Variants in ANO10 observed in about 807,000 individuals in gnomAD.
ANO10 encodes anoctamin-10.
A neutral mutation model predicts 74.7 loss-of-function variants in ANO10; 77 were observed. That is an observed-to-expected ratio of 1.03 (90% CI 0.86 to 1.25). ANO10 has a LOEUF of 1.25. Among genes scored for constraint, ANO10 ranks in the 50% most tolerant of loss-of-function variants. The pLI, the probability that ANO10 is intolerant of heterozygous loss-of-function variation, is 0.00. For missense variants in ANO10, 721 were observed against 778.1 expected (o/e 0.93, Z 0.87); for synonymous variants, 279 against 284.9 (o/e 0.98, Z 0.21).
At chr3:43,458,748 G>C (rs915012737) in intron 11 of ANO10, among the ~76,000 whole-genome samples, 1 of 152,096 alleles carries the variant, frequency 6.6e-6, no homozygotes, top group Non-Finnish European at 1.5e-5. Context: ...CTATCAACTC[G>C]TGATCTAGGT....
intron 11 of ANO10, among the ~76,000 whole-genome samples, chr3:43,443,871 C>G (rs1025165213): frequency 6.6e-6 from 1 of 151,514 alleles, no homozygotes; most frequent in Non-Finnish European, 1.5e-5. Flanking sequence ...TTAGTAGAGA[C>G]GGGTTTCACC....
At chr3:43,670,006 G>T (rs1442883545) in intron 1 of ANO10, among the ~76,000 whole-genome samples, 1 of 152,038 alleles carries the variant, frequency 6.6e-6, no homozygotes, top group Non-Finnish European at 1.5e-5. Context: ...TTACAGGCAT[G>T]AGCCACCGCG....
chr3:43,594,376 G>T (rs2081971295), intron 4 of ANO10, among the ~76,000 whole-genome samples: 1 of 152,154 alleles, frequency 6.6e-6, no homozygotes, highest in Non-Finnish European at 1.5e-5. Context: ...GTACTCCTCA[G>T]CAAATGAAAA....
intron 11 of ANO10, among the ~76,000 whole-genome samples, chr3:43,459,030 T>C (rs1436474557): frequency 6.6e-6 from 1 of 152,068 alleles, no homozygotes; most frequent in Admixed American, 6.6e-5. Context: ...GCCCCTTGAG[T>C]TATGTGTAAC....
At chr3:43,591,498 A>G (rs563523691) in intron 4 of ANO10, among the ~76,000 whole-genome samples, 81 of 152,264 alleles carry the variant, frequency 5.3e-4, no homozygotes, top group African/African-American at 1.9e-3. Context: ...AGAACAAAAG[A>G]CTTGCCCCCA....
At chr3:43,602,147 T>C (rs2082361576) in intron 2 of ANO10, among the ~76,000 whole-genome samples, 1 of 152,194 alleles carries the variant, frequency 6.6e-6, no homozygotes, top group Non-Finnish European at 1.5e-5. Context: ...ATTGACAAAG[T>C]CTGAAGGCTC....
chr3:43,670,069 T>A (rs2084038996), intron 1 of ANO10, among the ~76,000 whole-genome samples: 1 of 152,036 alleles, frequency 6.6e-6, no homozygotes, highest in African/African-American at 2.4e-5. Flanking sequence ...AATCTAGAGA[T>A]TGGCCAGGCA....
chr3:43,487,935 T>C, intron 11 of ANO10, among the ~76,000 whole-genome samples: 1 of 151,804 alleles, frequency 6.6e-6, no homozygotes, highest in Non-Finnish European at 1.5e-5. Context: ...AAGGCTACAG[T>C]AACCAAAACA....
At chr3:43,374,356 T>C (rs775346888) in intron 12 of ANO10, among the ~76,000 whole-genome samples, 20 of 152,222 alleles carry the variant, frequency 1.3e-4, no homozygotes, top group Non-Finnish European at 7.3e-5. Context: ...CTAAACACTA[T>C]GCACATTTGA....
intron 12 of ANO10, among the ~76,000 whole-genome samples, chr3:43,416,216 GT>G (rs912729434): frequency 8.5e-5 from 13 of 152,278 alleles, no homozygotes; most frequent in African/African-American, 3.1e-4. Flanking sequence ...AACAAAAAGT[GT>G]CTACAAATCT....
At chr3:43,374,653 G>A (rs558328369) in intron 12 of ANO10, among the ~76,000 whole-genome samples, 33 of 152,326 alleles carry the variant, frequency 2.2e-4, no homozygotes, top group South Asian at 8.3e-4. Context: ...ATGAGATCTT[G>A]CGAGTATCTC....
intron 11 of ANO10, among the ~76,000 whole-genome samples, chr3:43,533,717 T>C (rs540527226): frequency 1.2e-4 from 18 of 152,340 alleles, no homozygotes; most frequent in Non-Finnish European, 1.5e-5. Flanking sequence ...ACACCAATCA[T>C]TGTACTTCAA....
At chr3:43,683,247 A>T (rs2084226027) in intron 1 of ANO10, among the ~76,000 whole-genome samples, 1 of 152,226 alleles carries the variant, frequency 6.6e-6, no homozygotes, top group Non-Finnish European at 1.5e-5. Flanking sequence ...AAGATATAAA[A>T]TCAATGTGCA....
At chr3:43,440,538 G>A (rs887376414) in intron 11 of ANO10, among the ~76,000 whole-genome samples, 6 of 152,098 alleles carry the variant, frequency 3.9e-5, no homozygotes, top group African/African-American at 9.7e-5. Context: ...TCTAACATCA[G>A]AGTAACCAAA....
chr3:43,483,762 A>G (rs563525763), intron 11 of ANO10, among the ~76,000 whole-genome samples: 1 of 152,302 alleles, frequency 6.6e-6, no homozygotes, highest in African/African-American at 2.4e-5. Flanking sequence ...AAATCAATAC[A>G]TGGAAGGTGT....
At chr3:43,639,858 A>G (rs1410503832) in intron 1 of ANO10, among the ~76,000 whole-genome samples, 1 of 152,138 alleles carries the variant, frequency 6.6e-6, no homozygotes, top group African/African-American at 2.4e-5. Flanking sequence ...ACAATAGTAT[A>G]CTTTCAGATA....
In ANO10 at chr3:43,555,383, A is replaced by T. The variant is rs770747754; in HGVS notation, c.1563T>A (p.Phe521Leu). 1 of 1,614,186 alleles carries T rather than the reference A, an allele frequency of 6.2e-7. No homozygotes were observed. Among genetic ancestry groups the T allele is most frequent in the Non-Finnish European group, 8.5e-7 (1 of 1,180,010 alleles). ...FSCVYPLAAA[F>L]AVLNNFTEVN... is the part of the protein sequence containing the mutation. ...CTTCAGTGAAGTTATTTAACACAGC[A>T]AAGGCAGCTGCTAATGGGTAAACAC... is the stretch of plus-strand genomic sequence containing the variant. Residue 521 changes from phenylalanine to leucine, a missense_variant, in exon 10 of 13, where the codon TTT becomes TTA. Coordinates refer to ENST00000292246, the MANE Select transcript of ANO10 (RefSeq NM_018075.5).
chr3:43,551,566 C>T (rs1253051182), intron 10 of ANO10: 1 of 457,176 alleles, frequency 2.2e-6, no homozygotes, highest in Non-Finnish European at 4.4e-6. Context: ...TCTCTTTACA[C>T]CTGTGTCCAA....
chr3:43,545,519 C>T (rs2372487), intron 11 of ANO10, among the ~76,000 whole-genome samples: 118,156 of 151,970 alleles, frequency 0.78, 46,460 homozygotes, highest in East Asian at 0.89. Flanking sequence ...GCACGCACCA[C>T]CATGCCCGGC....
Sources: gnomAD v4.1 joint callset for allele counts (sites outside exome capture counted in the v4.1 genomes callset) on GRCh38, gnomAD v4.1.1 for gene constraint, MANE v1.5 for transcripts, NCBI Gene and HGNC (gene_info 2026-07-23, HGNC 2026-07-21) for gene names.